The following XRN1 variants were observed in gnomAD, a reference collection of about 807,000 sequenced individuals.
XRN1 encodes the protein 5'-3' exoribonuclease 1.
Under a neutral mutation model 222.3 loss-of-function variants are expected in XRN1, and 67 were observed. The observed-to-expected ratio is 0.30, with a 90% CI of 0.25 to 0.37. The LOEUF is 0.37. XRN1 is among the 10% of genes least tolerant of loss of function. The pLI is 1.00. For missense variants in XRN1, 1,707 were observed against 2,000.2 expected (o/e 0.85, Z 2.80); for synonymous variants, 643 against 652.4 (o/e 0.99, Z 0.22).
Position 142,428,373 on chromosome 3 carries a change from C to T in XRN1, c.309-1532G>A, listed in dbSNP as rs569635619. On this transcript the variant is annotated intron_variant, in intron 2 of 40. Transcript: ENST00000392981. The stretch of plus-strand genomic sequence containing the variant: ...TCACATCACTGCACTCCAGCTTGGG[C>T]GAGACAGAGCAAGACTCTCCAAAAA... Among the ~76,000 whole-genome samples, 8 of 122,546 alleles carry T rather than the reference C, an allele frequency of 6.5e-5. No homozygotes were observed. In the East Asian group the frequency reaches 1.1e-3, roughly 18 times the overall value. The allele number at this position is 122,546 out of a possible 152,430, so 80.4% of individuals were successfully genotyped here. A position where few individuals can be genotyped will look rare whatever the true frequency, so the allele number is the denominator to read the frequency against.
chr3:142,355,500 G>T lies in XRN1; in HGVS notation c.3673-4C>A, dbSNP rs200468649. 3 of 1,550,618 alleles carry T rather than the reference G, an allele frequency of 1.9e-6. No homozygotes were observed. Among genetic ancestry groups the T allele is most frequent in the Non-Finnish European group, 2.6e-6 (3 of 1,138,496 alleles). On this transcript the variant is annotated splice_polypyrimidine_tract_variant and splice_region_variant and intron_variant, in intron 31 of 40. Coordinates refer to ENST00000392981, the MANE Select transcript of XRN1 (RefSeq NM_001282857.2). ...CATCATCATCTTTAGTAGGTACCTA[G>T]CAAAGTACAAACAATTTCTTGAGAA... is the stretch of plus-strand genomic sequence containing the variant.
chr3:142,328,553 C>T, intron 37 of XRN1, among the ~76,000 whole-genome samples: 1 of 150,598 alleles, frequency 6.6e-6, no homozygotes, highest in Admixed American at 6.6e-5. Context: ...TGTGGCTTAA[C>T]ATTTGGTTTA....
At chr3:142,369,520 T>A (rs1183961874) in intron 27 of XRN1, among the ~76,000 whole-genome samples, 1 of 151,266 alleles carries the variant, frequency 6.6e-6, no homozygotes, top group Non-Finnish European at 1.5e-5. Context: ...AGGTGGCAGG[T>A]ACCTGTAATC....
At chr3:142,316,214 C>CTTTTTTTTTTTT (rs377522108) in intron 39 of XRN1, among the ~76,000 whole-genome samples, 2 of 111,842 alleles carry the variant, frequency 1.8e-5, no homozygotes, top group East Asian at 2.5e-4. Flanking sequence ...TCATTATCTT[C>CTTTTTTTTTTTT]TTTTTTTTTT....
At chr3:142,349,036 T>A (rs2066232879) in intron 32 of XRN1, among the ~76,000 whole-genome samples, 2 of 152,136 alleles carry the variant, frequency 1.3e-5, no homozygotes, top group Admixed American at 1.3e-4. Context: ...CACTGCAACC[T>A]TCGACTCCTG....
Position 142,447,840 on chromosome 3 carries a change from TTTC to T in XRN1, c.75+27_75+29del. 6.2e-7 allele frequency: 1 copy of T among 1,612,312 alleles called. No individual in the cohort carries two copies. The highest frequency in any genetic ancestry group is 8.5e-7 in the Non-Finnish European group (1 of 1,179,596). On this transcript the variant is annotated intron_variant, in intron 1 of 40. Transcript: ENST00000392981. This position sits in a 1 kb window ranked among gnomAD's most constrained non-coding sequence, Gnocchi z 4.2. ...GGCCGCGGAGCCCCGGGTCCTCGGC[TTTC>T]TGAGCCGTTGCCCCTCGCTCACCCA... is the stretch of plus-strand genomic sequence containing the variant.
intron 4 of XRN1, 26 bp downstream of exon 4, chr3:142,425,403 C>T (rs2069203286): frequency 1.3e-6 from 2 of 1,578,412 alleles, no homozygotes; most frequent in Non-Finnish European, 8.6e-7. Context: ...TTTTTTTAAA[C>T]TCTTTAAATA....
intron 33 of XRN1, among the ~76,000 whole-genome samples, chr3:142,336,802 A>G (rs1042088276): frequency 1.3e-5 from 2 of 152,212 alleles, no homozygotes; most frequent in Non-Finnish European, 2.9e-5. Context: ...AATAGTTTAC[A>G]TACATTTATG....
Position 142,428,930 on chromosome 3 carries a change from C to T in XRN1, c.309-2089G>A, listed in dbSNP as rs1178939711. Among the ~76,000 whole-genome samples, 3 of 152,128 alleles carry T rather than the reference C, an allele frequency of 2.0e-5. No individual in the cohort carries two copies. In the East Asian group the frequency reaches 5.8e-4, roughly 29 times the overall value. ...ATCAAAGCCATTGGATGAAATCACT[C>T]AGAGCCTAGGACAGAAACTTAAGAA... On this transcript the variant is annotated intron_variant, in intron 2 of 40. Transcript: ENST00000392981.
intron 20 of XRN1, among the ~76,000 whole-genome samples, chr3:142,394,574 T>C (rs568014471): frequency 9.8e-5 from 15 of 152,298 alleles, no homozygotes; most frequent in African/African-American, 3.4e-4. Flanking sequence ...GAAAATATAA[T>C]CAAATGAGAG....
intron 20 of XRN1, among the ~76,000 whole-genome samples, chr3:142,396,680 C>T (rs1273491955): frequency 1.3e-5 from 2 of 152,210 alleles, no homozygotes; most frequent in African/African-American, 2.4e-5. Context: ...CTGAATTCTC[C>T]GAAAGCTTAT....
chr3:142,391,541 C>T (rs1469450018), intron 20 of XRN1, among the ~76,000 whole-genome samples: 1 of 151,884 alleles, frequency 6.6e-6, no homozygotes, highest in African/African-American at 2.4e-5. Flanking sequence ...CTAGCCTGAG[C>T]AACACAGTGA....
At position 142,380,094 on chromosome 3, in the gene XRN1, T is replaced by C; in HGVS notation, c.2703A>G (p.Ile901Met). Residue 901 changes from isoleucine (I) to methionine (M), a missense_variant, in exon 23 of 41, where the codon ATA becomes ATG. By Grantham distance (10) the Ile-to-Met change is conservative (BLOSUM62 1). Transcript: ENST00000392981. ...CTACTGTACTCACATGCTGGTTCTG[T>C]ATTAAAGCATCAAGATTGGGTTCAC... Reference protein sequence around the residue: ...IPCEPNLDALIQNQHKYSIKY... With the variant: ...IPCEPNLDALMQNQHKYSIKY... 6.2e-7 allele frequency: 1 copy of C among 1,613,702 alleles called. No homozygotes were observed. The highest frequency in any genetic ancestry group is 8.5e-7 in the Non-Finnish European group (1 of 1,179,744).
intron 33 of XRN1, among the ~76,000 whole-genome samples, chr3:142,336,288 T>C (rs906392857): frequency 9.9e-5 from 15 of 152,148 alleles, no homozygotes; most frequent in African/African-American, 3.1e-4. Flanking sequence ...TTTGTAATTA[T>C]TGCATAATAT....
chr3:142,312,882 T>G, intron 39 of XRN1, 124 bp from the exon 40 acceptor site: 1 of 1,007,042 alleles, frequency 9.9e-7, no homozygotes, highest in Non-Finnish European at 1.5e-6. Context: ...AGGCCTACAC[T>G]TACTTCACCT....
At chr3:142,386,661 A>G (rs957297363) in intron 20 of XRN1, among the ~76,000 whole-genome samples, 2 of 152,148 alleles carry the variant, frequency 1.3e-5, no homozygotes, top group African/African-American at 2.4e-5. Context: ...AATCAACCCA[A>G]TTTTAAAAAG....
In XRN1 at chr3:142,310,952, C is replaced by G. The variant is rs1178556085; in HGVS notation, c.*559G>C. 2 of 152,716 alleles carry G rather than the reference C, an allele frequency of 1.3e-5. No individual in the cohort carries two copies. The allele number at this position is 152,716 out of a possible 1,614,324, so 9.5% of individuals were successfully genotyped here. A position where few individuals can be genotyped will look rare whatever the true frequency, so the allele number is the denominator to read the frequency against. ...CACAACAAATGTGATCCTTTCACAG[C>G]AGGTCTAAAGACCCTCAGAGGCAAC... is the stretch of plus-strand genomic sequence containing the variant. On this transcript the variant is annotated 3_prime_UTR_variant, in exon 41 of 41. Coordinates refer to ENST00000392981, the MANE Select transcript of XRN1 (RefSeq NM_001282857.2).
intron 20 of XRN1, among the ~76,000 whole-genome samples, chr3:142,392,923 T>C (rs1238053808): frequency 1.3e-5 from 2 of 149,470 alleles, no homozygotes; most frequent in African/African-American, 2.5e-5. Flanking sequence ...ATGGTTGAAC[T>C]AGTTTACAGT....
In XRN1 at chr3:142,376,543, C is replaced by T. The variant is rs1312437712; in HGVS notation, c.2767G>A (p.Val923Met). The T allele has an allele frequency of 1.9e-6, 3 of 1,613,406 alleles. No homozygotes were observed. The highest frequency in any genetic ancestry group is 2.2e-5 in the East Asian group (1 of 44,772). Reference protein sequence around the residue: ...PGYVLASRLGVSGYLVSRFTG... With the variant: ...PGYVLASRLGMSGYLVSRFTG... ...AACCTTGAAACAAGGTATCCACTCA[C>T]TCCAAGGCGACTGGCCAACACATAT... Residue 923 changes from valine to methionine, a missense_variant, in exon 24 of 41, where the codon GTG (valine) becomes ATG (methionine). By Grantham distance (21) the Val-to-Met change is conservative (BLOSUM62 1). Transcript: ENST00000392981.
Sources: allele counts gnomAD v4.1 joint callset (sites outside exome capture counted in the v4.1 genomes callset), GRCh38; gene constraint gnomAD v4.1.1; non-coding constraint Gnocchi (gnomAD v3.1); transcripts MANE v1.5; gene names NCBI Gene and HGNC (gene_info 2026-07-23, HGNC 2026-07-21).